The following BIRC6 variants were observed in gnomAD, a reference collection of about 807,000 sequenced individuals.
The protein encoded by BIRC6 is dual E2 ubiquitin-conjugating enzyme/E3 ubiquitin-protein ligase BIRC6.
Under a neutral mutation model 503.3 loss-of-function variants are expected in BIRC6, and 98 were observed. That is an observed-to-expected ratio of 0.19 (90% CI 0.17 to 0.23). The LOEUF (loss-of-function observed/expected upper bound fraction) is 0.23. Among genes scored for constraint, BIRC6 ranks in the 10% least tolerant of loss-of-function variants. BIRC6 has a pLI of 1.00. For synonymous variants in BIRC6, 2,240 were observed against 2,078.7 expected, an observed-to-expected ratio of 1.08 and a Z score of -2.11; for missense variants, 5,360 against 5,806.0, an observed-to-expected ratio of 0.92 and a Z score of 2.50.
At chr2:32,560,482 G>C (rs559248389) in intron 65 of BIRC6, among the ~76,000 whole-genome samples, 131 of 152,288 alleles carry the variant, frequency 8.6e-4, no homozygotes, top group African/African-American at 3.0e-3. Context: ...ATATATACCA[G>C]TTAAATAAGA....
rs1397243119 is a variant in BIRC6 at position 32,470,168 on chromosome 2, G to A, written c.6348G>A (p.Arg2116=). Residue 2116 remains arginine (R), a splice_region_variant and synonymous_variant, in exon 31 of 74, where the codon AGG becomes AGA. Transcript: ENST00000421745. ...SEQLLIFPQD[R]VFMLLSCIGQ... is the part of the protein sequence containing the mutation. ...TCTTTTTTGTTTGTTTTGTTTTTAG[G>A]GTCTTCATGTTACTTTCCTGCATTG... is the stretch of plus-strand genomic sequence containing the variant. 1.3e-6 allele frequency: 2 copies of A among 1,512,802 alleles called. No homozygotes were observed. The highest frequency in any genetic ancestry group is 2.4e-5 in the East Asian group (1 of 42,002). 93.7% of individuals were successfully genotyped at this position (1,512,802 alleles called of 1,614,324 possible).
intron 71 of BIRC6, among the ~76,000 whole-genome samples, chr2:32,604,680 G>T (rs1573329149): frequency 1.3e-5 from 2 of 152,096 alleles, no homozygotes; most frequent in South Asian, 4.2e-4. Context: ...TTATTTCTCA[G>T]ATGTAATTTT....
chr2:32,372,410 T>TG (rs1374154877), intron 1 of BIRC6, among the ~76,000 whole-genome samples: 1 of 152,224 alleles, frequency 6.6e-6, no homozygotes, highest in Non-Finnish European at 1.5e-5. Flanking sequence ...AACCTGTTGA[T>TG]GCTAGCTGCT....
intron 65 of BIRC6, among the ~76,000 whole-genome samples, chr2:32,572,319 G>A (rs971514458): frequency 2.0e-5 from 3 of 152,224 alleles, no homozygotes; most frequent in African/African-American, 7.2e-5. Context: ...TGAGTTGGGT[G>A]TTGAAGTCTC....
At position 32,415,007 on chromosome 2, in the gene BIRC6, A is replaced by G; in HGVS notation, c.1716A>G (p.Leu572=). The part of the protein sequence containing the change: ...IPFPCLLAGG[L]LTYKSPATSP... ...TTCCATGTTTATTAGCTGGAGGTTT[A>G]TTAACATATAAATCTCCTGCTACCT... Residue 572 remains leucine, a synonymous_variant, in exon 10 of 74, where the codon TTA becomes TTG. Coordinates refer to ENST00000421745, the MANE Select transcript of BIRC6 (RefSeq NM_016252.4). 1 of 1,613,906 alleles carries G rather than the reference A, an allele frequency of 6.2e-7. No homozygotes were observed. Among genetic ancestry groups the G allele is most frequent in the Non-Finnish European group, 8.5e-7 (1 of 1,179,880 alleles).
chr2:32,478,057 T>A (rs1385042872), intron 35 of BIRC6, among the ~76,000 whole-genome samples: 1 of 152,150 alleles, frequency 6.6e-6, no homozygotes, highest in Non-Finnish European at 1.5e-5. Context: ...AGAAGGACTT[T>A]TGACTGGGTG....
chr2:32,577,777 A>G (rs1377431438), intron 66 of BIRC6, among the ~76,000 whole-genome samples: 1 of 152,218 alleles, frequency 6.6e-6, no homozygotes, highest in Non-Finnish European at 1.5e-5. Flanking sequence ...TTAATTTCAG[A>G]TAGAGGATAA....
chr2:32,381,454 G>A (rs373288571), intron 3 of BIRC6, among the ~76,000 whole-genome samples: 37 of 151,562 alleles, frequency 2.4e-4, no homozygotes, highest in African/African-American at 8.7e-4. Flanking sequence ...TGGTCAGGCA[G>A]GTGGCGAACT....
At chr2:32,505,229 C>T in intron 50 of BIRC6, 24 bp downstream of exon 50, 1 of 1,499,994 alleles carries the variant, frequency 6.7e-7, no homozygotes, top group Non-Finnish European at 9.1e-7. Flanking sequence ...TATAAAGAAG[C>T]ATCATGAGAA....
At chr2:32,540,160 A>AT (rs1330374498) in intron 61 of BIRC6, among the ~76,000 whole-genome samples, 1 of 152,060 alleles carries the variant, frequency 6.6e-6, no homozygotes, top group Non-Finnish European at 1.5e-5. Flanking sequence ...GTCTGTTTTC[A>AT]TTTTTAAGTA....
intron 6 of BIRC6, among the ~76,000 whole-genome samples, chr2:32,399,156 G>T (rs2040319022): frequency 6.6e-6 from 1 of 152,090 alleles, no homozygotes; most frequent in South Asian, 2.1e-4. Context: ...CGCGATCTTG[G>T]TTCACTGCAA....
chr2:32,511,520 C>T (rs1292378825), intron 53 of BIRC6, among the ~76,000 whole-genome samples: 2 of 116,818 alleles, frequency 1.7e-5, no homozygotes, highest in African/African-American at 3.3e-5. Flanking sequence ...TTAGTAGAGA[C>T]GGGGCTTTAC....
Position 32,521,276 on chromosome 2 carries a change from C to CT in BIRC6, c.11623+2339dup, listed in dbSNP as rs1423912796. Among the ~76,000 whole-genome samples, 548 of 126,112 alleles carry CT rather than the reference C, an allele frequency of 4.3e-3. 2 individuals carry two copies. Among genetic ancestry groups the CT allele is most frequent in the African/African-American group, 0.015 (515 of 33,754 alleles). 82.7% of individuals were successfully genotyped at this position (126,112 alleles called of 152,430 possible). Reference sequence around the variant, plus strand: ...TCTGTAGCTTTTGACAGTATACTTTCTTTTTTTTTGTTTGAGATGGAGTCT... The same window carrying CT: ...TCTGTAGCTTTTGACAGTATACTTTCTTTTTTTTTTGTTTGAGATGGAGTCT... On this transcript the variant is annotated intron_variant, in intron 57 of 73. Transcript: ENST00000421745.
chr2:32,495,741 A>G (rs985887317), intron 45 of BIRC6, among the ~76,000 whole-genome samples: 11 of 150,364 alleles, frequency 7.3e-5, no homozygotes, highest in African/African-American at 2.2e-4. Flanking sequence ...GAAATTTTAC[A>G]ATTTTATGTT....
intron 33 of BIRC6, 95 bp downstream of exon 33, chr2:32,473,334 T>C: frequency 1.0e-6 from 1 of 1,002,672 alleles, no homozygotes; most frequent in Non-Finnish European, 1.4e-6. Flanking sequence ...AGGTATAACA[T>C]TTAATGGGCT....
chr2:32,588,016 G>A (rs1456145119), intron 66 of BIRC6, among the ~76,000 whole-genome samples: 1 of 152,134 alleles, frequency 6.6e-6, no homozygotes, highest in African/African-American at 2.4e-5. Flanking sequence ...CTTTTATGAA[G>A]AGTAGGTCAG....
chr2:32,535,277 C>G (rs1054448346), intron 61 of BIRC6, among the ~76,000 whole-genome samples: 1 of 151,360 alleles, frequency 6.6e-6, no homozygotes, highest in Non-Finnish European at 1.5e-5. Context: ...CAACAGAAAC[C>G]ATATGAGCCA....
In BIRC6 at chr2:32,509,850, T is replaced by G. The variant is rs1341433438; in HGVS notation, c.10093T>G (p.Leu3365Val). Residue 3365 changes from leucine to valine, a missense_variant, in exon 52 of 74, where the codon TTA becomes GTA. Around this residue, in one of 16 missense-constraint regions of BIRC6, gnomAD observed 878 missense variants for 928.9 expected, o/e 0.95. Transcript: ENST00000421745. ...TAATCTGCTGCAGACTTGTGCGGCCTTATTGATGTCACCTTACTGTGGAAT... is the reference window on the plus strand; with the variant it reads ...TAATCTGCTGCAGACTTGTGCGGCCGTATTGATGTCACCTTACTGTGGAAT... ...TANLLQTCAALLMSPYCGMHS... is the reference protein window; with the variant it reads ...TANLLQTCAAVLMSPYCGMHS... 1 of 1,614,016 alleles carries G rather than the reference T, an allele frequency of 6.2e-7. No homozygotes were observed. The highest frequency in any genetic ancestry group is 1.7e-5 in the Admixed American group (1 of 60,024).
rs1471077619 is a variant in BIRC6, at chr2:32,445,462, C to A, written c.4337-59C>A. Reference sequence around the variant, plus strand: ...TCTGATAAATAGGTAATCTTAAATTCTCATTGTTAGAGGAAAAGGAGGAAA... The same window carrying A: ...TCTGATAAATAGGTAATCTTAAATTATCATTGTTAGAGGAAAAGGAGGAAA... On this transcript the variant is annotated intron_variant, in intron 20 of 73. Transcript: ENST00000421745. The A allele has an allele frequency of 7.2e-6, 10 of 1,396,908 alleles. No individual in the cohort carries two copies. In the African/African-American group the frequency reaches 1.5e-4, roughly 21 times the overall value. The allele number at this position is 1,396,908 out of a possible 1,614,324, so 86.5% of individuals were successfully genotyped here.
Sources: gnomAD v4.1 joint callset for allele counts (sites outside exome capture counted in the v4.1 genomes callset) on GRCh38, gnomAD v4.1.1 for gene constraint, gnomAD v4.1.1 regional missense constraint, MANE v1.5 for transcripts, NCBI Gene and HGNC (gene_info 2026-07-23, HGNC 2026-07-21) for gene names.